APBB1IP: variants seen among roughly 807,000 people sequenced by gnomAD.
The protein encoded by APBB1IP is amyloid beta A4 precursor protein-binding family B member 1-interacting protein.
A neutral mutation model predicts 64.9 loss-of-function variants in APBB1IP; 27 were observed. The ratio of observed to expected loss-of-function variants is 0.42; its 90% CI spans 0.31 to 0.57. The LOEUF is 0.57. Among genes scored for constraint, APBB1IP ranks in the 20% least tolerant of loss-of-function variants. The pLI, the probability that APBB1IP is intolerant of heterozygous loss-of-function variation, is 0.20. For missense variants in APBB1IP, 812 were observed against 845.5 expected (o/e 0.96, Z 0.49); for synonymous variants, 392 against 331.0 (o/e 1.18, Z -2.00).
intron 8 of APBB1IP, among the ~76,000 whole-genome samples, chr10:26,527,637 C>T (rs1350774414): frequency 6.7e-6 from 1 of 150,202 alleles, no homozygotes; most frequent in African/African-American, 2.4e-5. Context: ...GGCTCCCTGT[C>T]CTTAGCTCCA....
intron 11 of APBB1IP, among the ~76,000 whole-genome samples, chr10:26,558,243 A>G (rs1836919138): frequency 6.6e-6 from 1 of 152,186 alleles, no homozygotes; most frequent in Admixed American, 6.5e-5. Context: ...ATGAAAATTT[A>G]CATGGCCCAT....
At chr10:26,514,558 C>A (rs1361545332) in intron 8 of APBB1IP, among the ~76,000 whole-genome samples, 1 of 152,138 alleles carries the variant, frequency 6.6e-6, no homozygotes, top group African/African-American at 2.4e-5. Context: ...TTTTTCCCAA[C>A]TGTGGCCTCA....
chr10:26,501,173 C>G, intron 5 of APBB1IP, 62 bp downstream of exon 5: 1 of 1,593,454 alleles, frequency 6.3e-7, no homozygotes, highest in East Asian at 2.2e-5. Context: ...ACTGATGTTC[C>G]TTGAAGTGAT....
At chr10:26,501,821 T>A (rs568781709) in intron 5 of APBB1IP, 1 of 152,408 alleles carries the variant, frequency 6.6e-6, no homozygotes, top group African/African-American at 2.4e-5. Flanking sequence ...ATGGTCACAC[T>A]GTGTCATGAT....
intron 8 of APBB1IP, among the ~76,000 whole-genome samples, chr10:26,514,442 G>A (rs1419465657): frequency 6.6e-6 from 1 of 152,172 alleles, no homozygotes; most frequent in Non-Finnish European, 1.5e-5. Flanking sequence ...ATTTGTGCAA[G>A]TAAAAAGCAT....
intron 8 of APBB1IP, among the ~76,000 whole-genome samples, chr10:26,520,743 A>T (rs1442168171): frequency 6.6e-6 from 1 of 152,148 alleles, no homozygotes; most frequent in Non-Finnish European, 1.5e-5. Flanking sequence ...GTGCTCTTTG[A>T]CAACACTTAA....
intron 10 of APBB1IP, 108 bp from the exon 11 acceptor site, chr10:26,541,474 A>G (rs991613015): frequency 1.6e-5 from 12 of 751,118 alleles, no homozygotes; most frequent in Non-Finnish European, 2.6e-5. Flanking sequence ...CTAAAAGTCA[A>G]TATTTTCTTT....
At chr10:26,548,187 A>T (rs572407527) in intron 11 of APBB1IP, among the ~76,000 whole-genome samples, 25 of 151,990 alleles carry the variant, frequency 1.6e-4, no homozygotes, top group African/African-American at 3.9e-4. Context: ...TGACATTAAA[A>T]TTTTTTTTTA....
intron 2 of APBB1IP, among the ~76,000 whole-genome samples, chr10:26,481,828 TGTGTGTG>T (rs1835838130): frequency 6.7e-4 from 27 of 40,250 alleles, no homozygotes; most frequent in African/African-American, 1.3e-3. Flanking sequence ...TCTCATTACG[TGTGTGTG>T]TGTGTGTGTG....
At chr10:26,508,262 G>T (rs1002767697) in intron 6 of APBB1IP, among the ~76,000 whole-genome samples, 3 of 152,088 alleles carry the variant, frequency 2.0e-5, no homozygotes, top group African/African-American at 7.2e-5. Context: ...AATTACAAAT[G>T]ATGTATACAG....
rs866011648 is a variant in APBB1IP at position 26,506,254 on chromosome 10, G to T, written c.531+2980G>T. 9.6e-3 allele frequency among the ~76,000 whole-genome samples: 1,367 copies of T among 142,982 alleles called. 32 individuals carry two copies. Among genetic ancestry groups the T allele is most frequent in the African/African-American group, 0.03 (1,151 of 38,824 alleles). The allele number at this position is 142,982 out of a possible 152,430, so 93.8% of individuals were successfully genotyped here. On this transcript the variant is annotated intron_variant, in intron 6 of 14. Coordinates refer to ENST00000376236, the MANE Select transcript of APBB1IP (RefSeq NM_019043.4). ...CTTAACACTACCGTGTGTGTGTGGG[G>T]GGGGGGGGTGGGGGGCAAGGTCTTG...
chr10:26,506,255 G>GGGGT (rs1836176263), intron 6 of APBB1IP, among the ~76,000 whole-genome samples: 1 of 143,172 alleles, frequency 7.0e-6, no homozygotes, highest in African/African-American at 2.5e-5. Context: ...GTGTGTGGGG[G>GGGGT]GGGGGGGTGG....
At chr10:26,459,478 G>A (rs1274273090) in intron 2 of APBB1IP, among the ~76,000 whole-genome samples, 1 of 152,114 alleles carries the variant, frequency 6.6e-6, no homozygotes, top group Non-Finnish European at 1.5e-5. Flanking sequence ...GGGTCAAATG[G>A]TATTTCTAGT....
intron 2 of APBB1IP, among the ~76,000 whole-genome samples, chr10:26,468,544 T>TGAACCCCA (rs1835674336): frequency 6.6e-6 from 1 of 152,226 alleles, no homozygotes; most frequent in African/African-American, 2.4e-5. Flanking sequence ...GTGTATATGT[T>TGAACCCCA]CGTGGGTTCC....
intron 2 of APBB1IP, among the ~76,000 whole-genome samples, chr10:26,449,552 C>T (rs1835442107): frequency 6.6e-6 from 1 of 152,124 alleles, no homozygotes; most frequent in Non-Finnish European, 1.5e-5. Flanking sequence ...CTGTGTGAGC[C>T]TTTAGTTTCT....
In APBB1IP at chr10:26,440,494, A is replaced by G. The variant is rs554555675; in HGVS notation, c.-1+1641A>G. 1.1e-4 allele frequency among the ~76,000 whole-genome samples: 17 copies of G among 152,346 alleles called. No homozygotes were observed. In the South Asian group the frequency reaches 3.5e-3, roughly 32 times the overall value. On this transcript the variant is annotated intron_variant, in intron 2 of 14. Coordinates refer to ENST00000376236, the MANE Select transcript of APBB1IP (RefSeq NM_019043.4). ...AGAAGTTCCTGTAAAAGCGCAGTCA[A>G]TATCTGGCCTATATGTAAAAAGGCA...
intron 8 of APBB1IP, among the ~76,000 whole-genome samples, chr10:26,520,334 A>G (rs1164637371): frequency 1.4e-5 from 2 of 146,524 alleles, no homozygotes; most frequent in African/African-American, 4.9e-5. Context: ...GTATTCTGCT[A>G]TAGCAACAGA....
chr10:26,547,249 T>G (rs1423109013), intron 11 of APBB1IP, among the ~76,000 whole-genome samples: 1 of 152,246 alleles, frequency 6.6e-6, no homozygotes, highest in Non-Finnish European at 1.5e-5. Context: ...TTGGATTATT[T>G]GGGTTTTTTG....
In APBB1IP at chr10:26,566,983, A is replaced by G; in HGVS notation, c.1496A>G (p.Asn499Ser). Residue 499 changes from asparagine to serine, a missense_variant, in exon 15 of 15, where the codon AAC becomes AGC. This residue lies in a region of APBB1IP where 381 missense variants were observed against 352.1 expected (regional missense o/e 1.08). Transcript: ENST00000376236. ...CAGGATAAGAAGCCAGCCCTCGGGA[A>G]CCACCACGACCCGGCAGTGCCCCGG... ...TSKDKKPALG[N>S]HHDPAVPRAP... 1.3e-6 allele frequency: 2 copies of G among 1,580,426 alleles called. No homozygotes were observed. The highest frequency in any genetic ancestry group is 1.7e-6 in the Non-Finnish European group (2 of 1,172,390).
Sources: allele counts gnomAD v4.1 joint callset (sites outside exome capture counted in the v4.1 genomes callset), GRCh38; gene constraint gnomAD v4.1.1; regional missense constraint gnomAD v4.1.1; transcripts MANE v1.5; gene names NCBI Gene and HGNC (gene_info 2026-07-23, HGNC 2026-07-21).